Variants in CAP2 observed in about 807,000 individuals in gnomAD.
The protein encoded by CAP2 is cyclase associated actin cytoskeleton regulatory protein 2.
CAP2 carries 24 observed loss-of-function variants against 57.7 expected under a neutral mutation model. The observed-to-expected ratio is 0.42, with a 90% CI of 0.30 to 0.58. CAP2 has a LOEUF of 0.58. Among genes scored for constraint, CAP2 ranks in the 20% least tolerant of loss-of-function variants. CAP2 has a pLI of 0.22. For missense variants in CAP2, 501 were observed against 590.3 expected (o/e 0.85, Z 1.57); for synonymous variants, 194 against 207.2 (o/e 0.94, Z 0.55).
chr6:17,478,297 CTTTT>C (rs58472723), intron 4 of CAP2, among the ~76,000 whole-genome samples: 14 of 120,418 alleles, frequency 1.2e-4, no homozygotes, highest in East Asian at 2.3e-4. Context: ...ACTACACCTA[CTTTT>C]TTTTTTTTTT....
chr6:17,536,998 A>G (rs1762788874), intron 7 of CAP2, among the ~76,000 whole-genome samples: 1 of 152,186 alleles, frequency 6.6e-6, no homozygotes. Context: ...AAGAAACCTG[A>G]TGGAATTAGG....
At chr6:17,396,778 A>C (rs1758675280) in intron 1 of CAP2, among the ~76,000 whole-genome samples, 1 of 152,172 alleles carries the variant, frequency 6.6e-6, no homozygotes, top group South Asian at 2.1e-4. Flanking sequence ...AAAACCATTG[A>C]GTTGTACACC....
intron 4 of CAP2, among the ~76,000 whole-genome samples, chr6:17,463,852 T>C (rs1034140640): frequency 1.3e-5 from 2 of 152,190 alleles, no homozygotes; most frequent in Non-Finnish European, 2.9e-5. Flanking sequence ...TTAGAGGTGT[T>C]AGAGGATCTG....
chr6:17,450,345 C>T (rs1476288478), intron 3 of CAP2, among the ~76,000 whole-genome samples: 1 of 152,184 alleles, frequency 6.6e-6, no homozygotes. Flanking sequence ...CCACCACGCC[C>T]GGCTCCAATT....
At chr6:17,498,609 G>A (rs959848111) in intron 4 of CAP2, among the ~76,000 whole-genome samples, 15 of 152,142 alleles carry the variant, frequency 9.9e-5, no homozygotes, top group Admixed American at 3.3e-4. Context: ...AAGGGGCATC[G>A]TAATGATGAT....
chr6:17,477,877 A>G (rs1405133813), intron 4 of CAP2, among the ~76,000 whole-genome samples: 1 of 151,804 alleles, frequency 6.6e-6, no homozygotes, highest in Non-Finnish European at 1.5e-5. Flanking sequence ...TAATGATTAC[A>G]ATTTTTAACT....
At chr6:17,448,339 T>C (rs1760314883) in intron 3 of CAP2, among the ~76,000 whole-genome samples, 1 of 152,226 alleles carries the variant, frequency 6.6e-6, no homozygotes, top group Admixed American at 6.5e-5. Context: ...TCAGATTCCT[T>C]AAGTGATAGA....
intron 4 of CAP2, among the ~76,000 whole-genome samples, chr6:17,476,864 C>CTTT (rs67003718): frequency 0.024 from 1,705 of 72,408 alleles, no homozygotes; most frequent in Non-Finnish European, 0.029. Flanking sequence ...TTTCTTACTT[C>CTTT]TTTTTTTTTT....
rs1032536229 is a variant in CAP2, at chr6:17,500,358, T to TAC, written c.301-6810_301-6809insCA. Among the ~76,000 whole-genome samples, 3 of 91,274 alleles carry TAC rather than the reference T, an allele frequency of 3.3e-5. No homozygotes were observed. In the South Asian group the frequency reaches 1.0e-3, roughly 31 times the overall value. The allele number at this position is 91,274 out of a possible 152,430, so 59.9% of individuals were successfully genotyped here. On this transcript the variant is annotated intron_variant, in intron 4 of 12. Coordinates refer to ENST00000229922, the MANE Select transcript of CAP2 (RefSeq NM_006366.3). ...GTGTCCAAATATATATATATATATA[T>TAC]ATATATATATATATATATATATATA...
chr6:17,413,819 C>T (rs1475096826), intron 1 of CAP2, among the ~76,000 whole-genome samples: 1 of 152,122 alleles, frequency 6.6e-6, no homozygotes, highest in Non-Finnish European at 1.5e-5. Flanking sequence ...TTTGGGAGAC[C>T]AAGGCAGGTG....
intron 12 of CAP2, among the ~76,000 whole-genome samples, chr6:17,554,638 T>G (rs1172412518): frequency 6.6e-6 from 1 of 152,246 alleles, no homozygotes. Context: ...TAGGTACCCA[T>G]GTGTGTTCCA....
chr6:17,459,475 A>G (rs1483802274), intron 3 of CAP2, among the ~76,000 whole-genome samples: 3 of 152,222 alleles, frequency 2.0e-5, no homozygotes, highest in Non-Finnish European at 4.4e-5. Flanking sequence ...TGTGGCAGCT[A>G]CAAGTAATGT....
At chr6:17,432,383 G>A (rs1036846440) in intron 3 of CAP2, among the ~76,000 whole-genome samples, 3 of 152,194 alleles carry the variant, frequency 2.0e-5, no homozygotes, top group Middle Eastern at 3.4e-3. Flanking sequence ...ATTCCATGTC[G>A]TTCTCCTCAC....
At chr6:17,444,976 A>T (rs1760215218) in intron 3 of CAP2, among the ~76,000 whole-genome samples, 2 of 152,182 alleles carry the variant, frequency 1.3e-5, no homozygotes, top group Admixed American at 1.3e-4. Context: ...CAATATAAGA[A>T]AGTGAGACTA....
intron 3 of CAP2, among the ~76,000 whole-genome samples, chr6:17,443,034 A>C (rs1760136326): frequency 6.6e-6 from 1 of 152,114 alleles, no homozygotes; most frequent in Non-Finnish European, 1.5e-5. Context: ...TCACTATTAA[A>C]AAAATAAAAC....
chr6:17,519,722 C>T (rs1035108451), intron 7 of CAP2, among the ~76,000 whole-genome samples: 3 of 152,224 alleles, frequency 2.0e-5, no homozygotes, highest in East Asian at 3.9e-4. Context: ...TAACTAAAGT[C>T]GAAAGACTAA....
intron 4 of CAP2, among the ~76,000 whole-genome samples, chr6:17,483,168 G>C (rs764277085): frequency 1.9e-4 from 29 of 152,152 alleles, no homozygotes; most frequent in Non-Finnish European, 3.7e-4. Context: ...TCATTTATTC[G>C]ATTTCTTTAT....
At chr6:17,433,732 G>T (rs1581514035) in intron 3 of CAP2, among the ~76,000 whole-genome samples, 1 of 152,208 alleles carries the variant, frequency 6.6e-6, no homozygotes, top group Non-Finnish European at 1.5e-5. Flanking sequence ...GTCTTCCCAA[G>T]AACGTGGAGA....
At chr6:17,507,450 C>A in intron 5 of CAP2, 138 bp downstream of exon 5, 1 of 946,280 alleles carries the variant, frequency 1.1e-6, no homozygotes, top group Non-Finnish European at 1.6e-6. Flanking sequence ...CTTTCTCCTA[C>A]CCTGTTTAAA....
Sources: allele counts gnomAD v4.1 joint callset (sites outside exome capture counted in the v4.1 genomes callset), GRCh38; gene constraint gnomAD v4.1.1; transcripts MANE v1.5; gene names NCBI Gene and HGNC (gene_info 2026-07-23, HGNC 2026-07-21).